Variants in CA8 observed in about 807,000 individuals in gnomAD.
The protein encoded by CA8 is carbonic anhydrase-related protein.
A neutral mutation model predicts 41.4 loss-of-function variants in CA8; 22 were observed. The observed-to-expected ratio is 0.53, with a 90% confidence interval of 0.38 to 0.76. The LOEUF (loss-of-function observed/expected upper bound fraction) is 0.76, where lower values mean the gene tolerates loss of function less well. Ranked by LOEUF, CA8 falls within the 30% of genes least tolerant of loss-of-function variation. The pLI is 0.00. For synonymous variants in CA8, 121 were observed against 130.6 expected (o/e 0.93, Z 0.50); for missense variants, 270 against 352.8 (o/e 0.77, Z 1.88).
chr8:60,215,203 A>G (rs1806973105), intron 7 of CA8, among the ~76,000 whole-genome samples: 2 of 152,140 alleles, frequency 1.3e-5, no homozygotes, highest in African/African-American at 4.8e-5. Flanking sequence ...ATGTTTTGGT[A>G]TTTGTATTCT....
chr8:60,204,030 T>C (rs538689993), intron 8 of CA8, among the ~76,000 whole-genome samples: 22 of 152,204 alleles, frequency 1.4e-4, no homozygotes, highest in Non-Finnish European at 2.8e-4. Flanking sequence ...CTAAACCACC[T>C]AGGAACCTCA....
chr8:60,256,047 T>C (rs1447706598), intron 3 of CA8, among the ~76,000 whole-genome samples: 2 of 105,962 alleles, frequency 1.9e-5, no homozygotes, highest in Admixed American at 1.6e-4. Flanking sequence ...TAGCTGGGAT[T>C]AAGGCACGTG....
chr8:60,194,734 C>T (rs528281772), intron 8 of CA8, among the ~76,000 whole-genome samples: 1 of 152,114 alleles, frequency 6.6e-6, no homozygotes, highest in Non-Finnish European at 1.5e-5. Flanking sequence ...TTCTATCATG[C>T]GAACGGGTTT....
At chr8:60,206,734 C>G (rs1406723564) in intron 8 of CA8, among the ~76,000 whole-genome samples, 1 of 152,100 alleles carries the variant, frequency 6.6e-6, no homozygotes, top group Non-Finnish European at 1.5e-5. Context: ...CCACCTCCTT[C>G]TTTCTTCCTT....
At position 60,232,317 on chromosome 8, in the gene CA8, C is replaced by T. The variant is rs537454715; in HGVS notation, c.480G>A (p.Pro160=). ...ACAGAGCAATGATGGCGATTCCGTG[C>T]GGCTTCCCCACAGCCTCATCAATGC... is the stretch of plus-strand genomic sequence containing the variant. ...FGSIDEAVGK[P]HGIAIIALFV... The change falls in exon 4 of 9, where the codon CCG becomes CCA. Residue 160 remains proline (P), a synonymous_variant. Coordinates refer to ENST00000317995, the MANE Select transcript of CA8 (RefSeq NM_004056.6). 19 of 1,613,826 alleles carry T rather than the reference C, an allele frequency of 1.2e-5. No homozygotes were observed. Among genetic ancestry groups the T allele is most frequent in the Middle Eastern group, 1.7e-4 (1 of 6,058 alleles).
chr8:60,232,700 A>G, intron 3 of CA8: 1 of 393,374 alleles, frequency 2.5e-6, no homozygotes. Context: ...TTGAATCTCC[A>G]TGAAACAAAA....
At chr8:60,255,106 A>T (rs1160730889) in intron 3 of CA8, among the ~76,000 whole-genome samples, 1 of 152,068 alleles carries the variant, frequency 6.6e-6, no homozygotes, top group Non-Finnish European at 1.5e-5. Context: ...TTCTGTAAGG[A>T]GGGGTTTTCC....
intron 3 of CA8, among the ~76,000 whole-genome samples, chr8:60,233,837 TTTTC>T (rs1298153779): frequency 2.0e-5 from 3 of 152,164 alleles, no homozygotes; most frequent in Admixed American, 6.5e-5. Context: ...AAGCATGGGT[TTTTC>T]TTTTTCCCTA....
chr8:60,237,213 T>C (rs1807864185), intron 3 of CA8, among the ~76,000 whole-genome samples: 1 of 152,244 alleles, frequency 6.6e-6, no homozygotes, highest in Non-Finnish European at 1.5e-5. Context: ...AGTCACTAAC[T>C]TCTTTCAGCA....
chr8:60,243,040 C>T (rs983666064), intron 3 of CA8, among the ~76,000 whole-genome samples: 1 of 152,318 alleles, frequency 6.6e-6, no homozygotes, highest in African/African-American at 2.4e-5. Flanking sequence ...GTGAGGACAG[C>T]AGAGCTGTGA....
At chr8:60,210,489 G>A (rs1806795929) in intron 7 of CA8, among the ~76,000 whole-genome samples, 1 of 152,140 alleles carries the variant, frequency 6.6e-6, no homozygotes, top group Admixed American at 6.5e-5. Context: ...CCTCAGGAGA[G>A]GCTCCCTGAC....
chr8:60,221,570 T>C (rs2130463724), intron 7 of CA8, among the ~76,000 whole-genome samples: 1 of 152,280 alleles, frequency 6.6e-6, no homozygotes, highest in South Asian at 2.1e-4. Context: ...ATACCCCTAA[T>C]CTAATCATGT....
At chr8:60,194,030 C>A (rs927049718) in intron 8 of CA8, among the ~76,000 whole-genome samples, 6 of 152,118 alleles carry the variant, frequency 3.9e-5, no homozygotes, top group African/African-American at 1.4e-4. Flanking sequence ...TCTGATTCAT[C>A]TGTAGAAGTT....
chr8:60,247,787 A>G (rs7814473), intron 3 of CA8, among the ~76,000 whole-genome samples: 72,035 of 152,096 alleles, frequency 0.47, 19,800 homozygotes, highest in African/African-American at 0.77. Context: ...GGGATTGCGT[A>G]TCAAATGGTA....
At chr8:60,280,961 G>C in intron 1 of CA8, 87 bp downstream of exon 1, 2 of 935,050 alleles carry the variant, frequency 2.1e-6, no homozygotes, top group Non-Finnish European at 3.5e-6. Context: ...CTCGGAGCGC[G>C]CAGCGGCAGC....
chr8:60,196,424 G>A (rs1396910295), intron 8 of CA8, among the ~76,000 whole-genome samples: 1 of 152,062 alleles, frequency 6.6e-6, no homozygotes, highest in Non-Finnish European at 1.5e-5. Flanking sequence ...TGCCCAAGTT[G>A]TGGAACAGCA....
chr8:60,248,041 C>A (rs1160787135), intron 3 of CA8, among the ~76,000 whole-genome samples: 1 of 151,238 alleles, frequency 6.6e-6, no homozygotes, highest in Non-Finnish European at 1.5e-5. Flanking sequence ...TTGTTGGTCG[C>A]ATAAATGTCT....
rs528704366 is a variant in CA8 at position 60,221,202 on chromosome 8, C to G, written c.738+1447G>C. ...TTCCTGTCCTTCACCAGACTAACTT[C>G]TAATATTTTGCTGAAATTATTCCCT... On this transcript the variant is annotated intron_variant, in intron 7 of 8. Coordinates refer to ENST00000317995, the MANE Select transcript of CA8 (RefSeq NM_004056.6). Among the ~76,000 whole-genome samples the G allele has an allele frequency of 2.0e-5, 3 of 152,300 alleles. No individual in the cohort carries two copies. The East Asian group carries it at 5.8e-4, about 29-fold the overall frequency.
chr8:60,245,911 G>C (rs1289501292), intron 3 of CA8, among the ~76,000 whole-genome samples: 1 of 152,158 alleles, frequency 6.6e-6, no homozygotes, highest in African/African-American at 2.4e-5. Flanking sequence ...AGCCGGGGTG[G>C]GGGGCGATTT....
Sources: gnomAD v4.1 joint callset for allele counts (sites outside exome capture counted in the v4.1 genomes callset) on GRCh38, gnomAD v4.1.1 for gene constraint, MANE v1.5 for transcripts, NCBI Gene and HGNC (gene_info 2026-07-23, HGNC 2026-07-21) for gene names.